The following COL5A2 variants were observed in gnomAD, a reference collection of about 807,000 sequenced individuals.
COL5A2 encodes collagen alpha-2(V) chain.
In COL5A2, 23 loss-of-function variants were observed where a neutral mutation model predicts 208.2. The observed-to-expected ratio is 0.11, with a 90% CI of 0.08 to 0.16. COL5A2 has a LOEUF of 0.16. COL5A2 is among the 10% of genes least tolerant of loss of function. COL5A2 has a pLI of 1.00. For missense variants in COL5A2, 1,590 were observed against 1,956.4 expected (o/e 0.81, Z 3.53); for synonymous variants, 625 against 628.5 (o/e 0.99, Z 0.08).
At chr2:189,353,662 T>G in the COL5A2 span, among the ~76,000 whole-genome samples, 1 of 152,226 alleles carries the variant, frequency 6.6e-6, no homozygotes, top group Non-Finnish European at 1.5e-5. Flanking sequence ...CCGCTGAAGG[T>G]GCTTATCAGC....
rs1184124995 is a variant in COL5A2, at chr2:189,110,315, C to T, written c.232G>A (p.Asp78Asn). ...AILCDKIECQ[D>N]VLDCADPVTP... is the part of the protein sequence containing the mutation. ...ACAGGGTCGGCACAGTCCAGCACAT[C>T]CTGGCATTCTATCTTGTCACAGAGA... The change falls in exon 2 of 54, where the codon GAT becomes AAT. Residue 78 changes from aspartate (D) to asparagine (N), a missense_variant. Asp to Asn is a conservative substitution (Grantham distance 23). Transcript: ENST00000374866. 6.2e-7 allele frequency: 1 copy of T among 1,614,018 alleles called. No individual in the cohort carries two copies. The highest frequency in any genetic ancestry group is 2.2e-5 in the East Asian group (1 of 44,892).
chr2:189,255,126 C>T, the COL5A2 span, among the ~76,000 whole-genome samples: 1 of 152,286 alleles, frequency 6.6e-6, no homozygotes, highest in East Asian at 1.9e-4. Flanking sequence ...AAACATGTGC[C>T]TCTGATCCAA....
chr2:189,350,892 T>G, the COL5A2 span, among the ~76,000 whole-genome samples: 1 of 152,170 alleles, frequency 6.6e-6, no homozygotes, highest in African/African-American at 2.4e-5. Context: ...TTCTCTACCT[T>G]CTGAACTACA....
the COL5A2 span, among the ~76,000 whole-genome samples, chr2:189,336,464 T>C: frequency 6.6e-6 from 1 of 152,154 alleles, no homozygotes; most frequent in Non-Finnish European, 1.5e-5. Context: ...AAACTGGAAA[T>C]AACAGAAATG....
At chr2:189,252,009 A>G in the COL5A2 span, among the ~76,000 whole-genome samples, 8 of 152,244 alleles carry the variant, frequency 5.3e-5, no homozygotes, top group Non-Finnish European at 1.2e-4. Context: ...ACACATGAAA[A>G]AATGCTCATC....
At chr2:189,052,261 T>G in intron 40 of COL5A2, 36 bp from the exon 41 acceptor site, 1 of 1,588,902 alleles carries the variant, frequency 6.3e-7, no homozygotes, top group Non-Finnish European at 8.6e-7. Context: ...ATTTTTAAGG[T>G]AATATAAATT....
chr2:189,299,725 A>C, the COL5A2 span, among the ~76,000 whole-genome samples: 1 of 152,196 alleles, frequency 6.6e-6, no homozygotes, highest in South Asian at 2.1e-4. Context: ...GGAGGAGAAC[A>C]ATCGATCTGT....
the COL5A2 span, among the ~76,000 whole-genome samples, chr2:189,426,526 C>A: frequency 6.6e-6 from 1 of 152,192 alleles, no homozygotes; most frequent in African/African-American, 2.4e-5. Context: ...TGATTGATGT[C>A]TCATGTCTCC....
chr2:189,211,942 C>A (rs1325649129), intron 1 of COL5A2, among the ~76,000 whole-genome samples: 2 of 152,100 alleles, frequency 1.3e-5, no homozygotes, highest in Non-Finnish European at 2.9e-5. Context: ...CAAAAGAAAG[C>A]AAGGAAAGTG....
At chr2:189,339,221 T>C in the COL5A2 span, among the ~76,000 whole-genome samples, 1 of 151,950 alleles carries the variant, frequency 6.6e-6, no homozygotes, top group Non-Finnish European at 1.5e-5. Flanking sequence ...TGTGGAGGCA[T>C]GCGCCTGTAA....
chr2:189,321,030 G>T, the COL5A2 span, among the ~76,000 whole-genome samples: 1 of 152,168 alleles, frequency 6.6e-6, no homozygotes, highest in South Asian at 2.1e-4. Flanking sequence ...TTAAAGAAAA[G>T]AATTTTCAAC....
At chr2:189,436,708 T>C in the COL5A2 span, among the ~76,000 whole-genome samples, 5,374 of 152,102 alleles carry the variant, frequency 0.035, 113 homozygotes, top group Admixed American at 0.05. Flanking sequence ...CAGGGACATG[T>C]ATGGAGCTGG....
chr2:189,394,869 A>T, the COL5A2 span, among the ~76,000 whole-genome samples: 1 of 152,200 alleles, frequency 6.6e-6, no homozygotes, highest in Admixed American at 6.5e-5. Context: ...TTGCTCATAG[A>T]CTATAAATAA....
intron 1 of COL5A2, among the ~76,000 whole-genome samples, chr2:189,141,683 G>T (rs1048889739): frequency 5.9e-5 from 9 of 152,198 alleles, no homozygotes; most frequent in African/African-American, 2.2e-4. Flanking sequence ...ATTTACTAAT[G>T]CTATTTCAAA....
the COL5A2 span, among the ~76,000 whole-genome samples, chr2:189,316,985 A>T: frequency 6.6e-6 from 1 of 152,140 alleles, no homozygotes; most frequent in South Asian, 2.1e-4. Flanking sequence ...CCTGTATCAA[A>T]ACATCTCAAG....
At chr2:189,123,420 G>A (rs1687547889) in intron 1 of COL5A2, among the ~76,000 whole-genome samples, 1 of 152,118 alleles carries the variant, frequency 6.6e-6, no homozygotes, top group Admixed American at 6.6e-5. Flanking sequence ...TAAGGTCATT[G>A]AAGATGACCT....
At chr2:189,127,119 G>T (rs1450324180) in intron 1 of COL5A2, among the ~76,000 whole-genome samples, 1 of 152,018 alleles carries the variant, frequency 6.6e-6, no homozygotes, top group Non-Finnish European at 1.5e-5. Flanking sequence ...TATGAACTGA[G>T]AATTGAGAAA....
In COL5A2 at chr2:189,034,966, C is replaced by G; in HGVS notation, c.4303G>C (p.Ala1435Pro). ...LKGANDLDIK[A>P]EGNIRFRYIV... Reference sequence around the variant, plus strand: ...TACCGGAATCTAATATTTCCCTCTGCTTTGATATCTAAGTCATTTGCCCCT... The same window carrying G: ...TACCGGAATCTAATATTTCCCTCTGGTTTGATATCTAAGTCATTTGCCCCT... Residue 1435 changes from alanine to proline, a missense_variant, in exon 53 of 54, where the codon GCA (alanine) becomes CCA (proline). Coordinates refer to ENST00000374866, the MANE Select transcript of COL5A2 (RefSeq NM_000393.5). The G allele has an allele frequency of 6.2e-7, 1 of 1,613,872 alleles. No individual in the cohort carries two copies. Among genetic ancestry groups the G allele is most frequent in the Non-Finnish European group, 8.5e-7 (1 of 1,179,852 alleles).
chr2:189,303,400 T>C, the COL5A2 span, among the ~76,000 whole-genome samples: 1 of 152,184 alleles, frequency 6.6e-6, no homozygotes, highest in Non-Finnish European at 1.5e-5. Context: ...TCAATAAATT[T>C]GCCAGTCACT....
Sources: allele counts gnomAD v4.1 joint callset (sites outside exome capture counted in the v4.1 genomes callset), GRCh38; gene constraint gnomAD v4.1.1; transcripts MANE v1.5; gene names NCBI Gene and HGNC (gene_info 2026-07-23, HGNC 2026-07-21).